Variants in KDM3A observed in about 807,000 individuals in gnomAD.
KDM3A encodes lysine-specific demethylase 3A.
Under a neutral mutation model 158.0 loss-of-function variants are expected in KDM3A, and 60 were observed. The ratio of observed to expected loss-of-function variants is 0.38; its 90% confidence interval spans 0.31 to 0.47. The LOEUF (loss-of-function observed/expected upper bound fraction) is 0.47. KDM3A is among the 20% of genes least tolerant of loss of function. KDM3A has a pLI of 0.99. For synonymous variants in KDM3A, 608 were observed against 549.3 expected, an observed-to-expected ratio of 1.11 and a Z score of -1.49; for missense variants, 1,319 against 1,574.3, an observed-to-expected ratio of 0.84 and a Z score of 2.74.
At chr2:86,470,549 G>A in intron 11 of KDM3A, 141 bp downstream of exon 11, 1 of 645,010 alleles carries the variant, frequency 1.6e-6, no homozygotes, top group Non-Finnish European at 2.6e-6. Flanking sequence ...TCTCTAGGTT[G>A]GAGAATCTAG....
Position 86,441,439 on chromosome 2 carries a change from G to A in KDM3A, c.-36G>A, listed in dbSNP as rs1245408049. 2 of 152,424 alleles carry A rather than the reference G, an allele frequency of 1.3e-5. No individual in the cohort carries two copies. Among genetic ancestry groups the A allele is most frequent in the East Asian group, 3.9e-4 (2 of 5,174 alleles). The allele number at this position is 152,424 out of a possible 1,614,324, so 9.4% of individuals were successfully genotyped here. The stretch of plus-strand genomic sequence containing the variant: ...CCGCCGGTGACTCAGGGAGGCGGGA[G>A]GCGGGGTAAGAGCGCCGCGGCCTCG... On this transcript the variant is annotated 5_prime_UTR_variant, in exon 1 of 26. Coordinates refer to ENST00000312912, the MANE Select transcript of KDM3A (RefSeq NM_018433.6).
At chr2:86,485,907 A>G in intron 21 of KDM3A, 48 bp downstream of exon 21, 1 of 1,582,432 alleles carries the variant, frequency 6.3e-7, no homozygotes, top group Non-Finnish European at 8.7e-7. Context: ...ACAATTCAAA[A>G]TGTTTGGAAA....
chr2:86,474,037 T>G (rs1673537689), intron 11 of KDM3A, among the ~76,000 whole-genome samples: 1 of 152,206 alleles, frequency 6.6e-6, no homozygotes, highest in Non-Finnish European at 1.5e-5. Flanking sequence ...GCTTTTTTCT[T>G]GAAGCAGTAG....
upstream of KDM3A, among the ~76,000 whole-genome samples, chr2:86,438,302 A>C (rs1216585934): frequency 2.0e-5 from 3 of 152,158 alleles, no homozygotes; most frequent in Non-Finnish European, 4.4e-5. Flanking sequence ...TTTTAAAAGT[A>C]ACATGTGAGT....
At chr2:86,456,739 C>T in intron 6 of KDM3A, 66 bp from the exon 7 acceptor site, 1 of 1,379,714 alleles carries the variant, frequency 7.2e-7, no homozygotes, top group South Asian at 1.2e-5. Flanking sequence ...TGTTAATGAA[C>T]CTGATTTTCA....
intron 6 of KDM3A, 88 bp from the exon 7 acceptor site, chr2:86,456,717 C>T: frequency 7.9e-7 from 1 of 1,264,378 alleles, no homozygotes; most frequent in Non-Finnish European, 1.1e-6. Flanking sequence ...TCATAAGAAG[C>T]TCCTATTGTT....
intron 24 of KDM3A, 23 bp from the exon 25 acceptor site, chr2:86,491,118 A>G (rs1674434395): frequency 6.2e-7 from 1 of 1,613,578 alleles, no homozygotes; most frequent in Non-Finnish European, 8.5e-7. Context: ...TTTGTTACTG[A>G]TATATTACTT....
At chr2:86,444,226 G>A (rs573215667) in intron 2 of KDM3A, among the ~76,000 whole-genome samples, 15 of 152,314 alleles carry the variant, frequency 9.8e-5, no homozygotes, top group African/African-American at 3.1e-4. Context: ...AATTAGCTGC[G>A]GAGGGAGGCT....
At position 86,482,514 on chromosome 2, in the gene KDM3A, G is replaced by A. The variant is rs553796256; in HGVS notation, c.2742G>A (p.Leu914=). The A allele has an allele frequency of 2.5e-6, 4 of 1,614,088 alleles. No homozygotes were observed. The South Asian group carries it at 4.4e-5, about 18-fold the overall frequency. The change falls in exon 18 of 26, where the codon TTG becomes TTA. Residue 914 remains leucine, a synonymous_variant. Transcript: ENST00000312912. ...TCCTTGATGACATCTTTGCCTCTTT[G>A]GTGCAAAATAAGACGACTTCTGATT... The part of the protein sequence containing the change: ...PKILDDIFAS[L]VQNKTTSDLS...
intron 6 of KDM3A, 117 bp from the exon 7 acceptor site, chr2:86,456,685 AGTT>A (rs1485389328): frequency 2.3e-6 from 3 of 1,276,870 alleles, no homozygotes; most frequent in African/African-American, 1.5e-5. Context: ...AAATAATTAC[AGTT>A]GTTTTAAAAA....
At chr2:86,480,447 T>C in intron 16 of KDM3A, 85 bp downstream of exon 16, 1 of 1,200,700 alleles carries the variant, frequency 8.3e-7, no homozygotes, top group Non-Finnish European at 1.2e-6. Context: ...TTAGAAGTCG[T>C]GTGGAATGGA....
chr2:86,455,786 T>C (rs1449044038), intron 5 of KDM3A, among the ~76,000 whole-genome samples: 4 of 151,276 alleles, frequency 2.6e-5, no homozygotes, highest in African/African-American at 9.7e-5. Context: ...CGTCGATCTC[T>C]ACAAAACATT....
At chr2:86,485,663 C>T in intron 20 of KDM3A, 66 bp from the exon 21 acceptor site, 1 of 1,580,488 alleles carries the variant, frequency 6.3e-7, no homozygotes, top group South Asian at 1.1e-5. Flanking sequence ...AGGAACAAAA[C>T]AGGTTACACA....
At chr2:86,471,289 GTATA>G (rs1205466896) in intron 11 of KDM3A, among the ~76,000 whole-genome samples, 10 of 150,190 alleles carry the variant, frequency 6.7e-5, no homozygotes, top group African/African-American at 2.2e-4. Context: ...GTGTATATAT[GTATA>G]TATGTGTGTA....
intron 19 of KDM3A, among the ~76,000 whole-genome samples, chr2:86,484,395 T>A (rs1003644580): frequency 1.3e-5 from 2 of 152,170 alleles, no homozygotes; most frequent in African/African-American, 4.8e-5. Flanking sequence ...AGGGTCAGTC[T>A]CTCTCTCTGA....
intron 16 of KDM3A, among the ~76,000 whole-genome samples, chr2:86,480,991 G>GC (rs974504575): frequency 2.4e-4 from 37 of 152,280 alleles, no homozygotes; most frequent in African/African-American, 8.9e-4. Context: ...GCTCATTTGA[G>GC]CCGAAGTAAG....
At chr2:86,438,232 G>A (rs1297084481), upstream of KDM3A, among the ~76,000 whole-genome samples, 1 of 152,056 alleles carries the variant, frequency 6.6e-6, no homozygotes, top group African/African-American at 2.4e-5. Context: ...ATAATCATAT[G>A]TATTTTCTCC....
At chr2:86,453,132 GA>G (rs1672537124) in intron 4 of KDM3A, among the ~76,000 whole-genome samples, 2 of 151,298 alleles carry the variant, frequency 1.3e-5, no homozygotes, top group South Asian at 4.1e-4. Context: ...GATTGAGAAA[GA>G]AACATCTAAA....
chr2:86,454,401 G>GA (rs1215513123), intron 4 of KDM3A, among the ~76,000 whole-genome samples: 3 of 151,980 alleles, frequency 2.0e-5, no homozygotes, highest in Non-Finnish European at 4.4e-5. Flanking sequence ...TGGGAATATG[G>GA]AAAAAAGGGC....
Sources: allele counts gnomAD v4.1 joint callset (sites outside exome capture counted in the v4.1 genomes callset), GRCh38; gene constraint gnomAD v4.1.1; transcripts MANE v1.5; gene names NCBI Gene and HGNC (gene_info 2026-07-23, HGNC 2026-07-21).